SHISA6: variants seen among roughly 807,000 people sequenced by gnomAD.
SHISA6 encodes shisa family member 6, also known as protein shisa-6.
A neutral mutation model predicts 47.9 loss-of-function variants in SHISA6; 22 were observed. The ratio of observed to expected loss-of-function variants is 0.46; its 90% CI spans 0.33 to 0.66. The LOEUF is 0.66. SHISA6 is among the 30% of genes least tolerant of loss of function. The pLI, the probability that SHISA6 is intolerant of heterozygous loss-of-function variation, is 0.02. For missense variants in SHISA6, 680 were observed against 764.6 expected, an observed-to-expected ratio of 0.89 and a Z score of 1.30; for synonymous variants, 388 against 337.8, an observed-to-expected ratio of 1.15 and a Z score of -1.63.
At chr17:11,521,016 T>C (rs187412381) in intron 3 of SHISA6, among the ~76,000 whole-genome samples, 2 of 152,312 alleles carry the variant, frequency 1.3e-5, no homozygotes, top group Admixed American at 1.3e-4. Context: ...GGACGCGCAA[T>C]AAATACTTGC....
At chr17:11,327,428 C>T (rs551680807) in intron 2 of SHISA6, among the ~76,000 whole-genome samples, 6 of 152,282 alleles carry the variant, frequency 3.9e-5, no homozygotes, top group Middle Eastern at 3.4e-3. Context: ...AGCTTAGAGA[C>T]GCCTTAGGAC....
At chr17:11,446,236 C>G (rs1442863274) in intron 3 of SHISA6, among the ~76,000 whole-genome samples, 1 of 152,108 alleles carries the variant, frequency 6.6e-6, no homozygotes, top group East Asian at 1.9e-4. Flanking sequence ...GAGCGTAGGT[C>G]AAAGCAGTAT....
intron 3 of SHISA6, among the ~76,000 whole-genome samples, chr17:11,515,547 A>G (rs952585540): frequency 5.3e-5 from 8 of 152,142 alleles, no homozygotes; most frequent in Admixed American, 1.3e-4. Flanking sequence ...GGGGCAGGGT[A>G]GAAAGCTAAG....
At chr17:11,262,286 T>C (rs1317485237) in intron 1 of SHISA6, among the ~76,000 whole-genome samples, 3 of 152,184 alleles carry the variant, frequency 2.0e-5, no homozygotes, top group African/African-American at 7.2e-5. Flanking sequence ...AGGGAAGCCT[T>C]GGGGTGGGCA....
intron 2 of SHISA6, among the ~76,000 whole-genome samples, chr17:11,333,030 G>C (rs1444487555): frequency 1.3e-5 from 2 of 152,108 alleles, no homozygotes; most frequent in African/African-American, 4.8e-5. Flanking sequence ...GGCTGCCAGG[G>C]GGTGACCTGC....
At chr17:11,416,748 A>G (rs1309781620) in intron 3 of SHISA6, among the ~76,000 whole-genome samples, 3 of 152,206 alleles carry the variant, frequency 2.0e-5, no homozygotes, top group Admixed American at 6.5e-5. Flanking sequence ...ATTACTTCAG[A>G]CTTCTGGTCT....
chr17:11,430,077 G>A lies in SHISA6; in HGVS notation c.895+50568G>A, dbSNP rs572185803. 1.8e-3 allele frequency among the ~76,000 whole-genome samples: 270 copies of A among 152,292 alleles called. 2 individuals carry two copies. The highest frequency in any genetic ancestry group is 6.8e-3 in the Middle Eastern group (2 of 294). The stretch of plus-strand genomic sequence containing the variant: ...ATTATCTCCTCACTTTTGAGATGAG[G>A]AAACTGAGGATCACAGACTTCAATA... On this transcript the variant is annotated intron_variant, in intron 3 of 5. Coordinates refer to ENST00000441885, the MANE Select transcript of SHISA6 (RefSeq NM_207386.4).
intron 3 of SHISA6, among the ~76,000 whole-genome samples, chr17:11,439,892 A>G (rs567092060): frequency 6.6e-6 from 1 of 152,224 alleles, no homozygotes; most frequent in African/African-American, 2.4e-5. Flanking sequence ...CCCTTTATTA[A>G]GAAGAGAGGA....
intron 2 of SHISA6, among the ~76,000 whole-genome samples, chr17:11,316,460 G>A (rs1194538444): frequency 3.3e-5 from 4 of 120,846 alleles, no homozygotes; most frequent in Non-Finnish European, 4.8e-5. Context: ...TTGCTCTGTC[G>A]CCTAGGCTGG....
intron 3 of SHISA6, among the ~76,000 whole-genome samples, chr17:11,404,147 T>C (rs1913868371): frequency 6.6e-6 from 1 of 152,248 alleles, no homozygotes; most frequent in Admixed American, 6.5e-5. Flanking sequence ...TAAAAGCTCG[T>C]GATGCAGGCA....
At chr17:11,475,006 G>A (rs1300766579) in intron 3 of SHISA6, among the ~76,000 whole-genome samples, 1 of 152,000 alleles carries the variant, frequency 6.6e-6, no homozygotes, top group African/African-American at 2.4e-5. Flanking sequence ...ATTTATTTCT[G>A]TGATTTTTTT....
chr17:11,337,412 T>C (rs1911362797), intron 2 of SHISA6, among the ~76,000 whole-genome samples: 1 of 152,136 alleles, frequency 6.6e-6, no homozygotes, highest in African/African-American at 2.4e-5. Context: ...ACTTCGGGCT[T>C]GCACCTGCAC....
chr17:11,384,896 G>C (rs1913142961), intron 3 of SHISA6, among the ~76,000 whole-genome samples: 1 of 152,180 alleles, frequency 6.6e-6, no homozygotes, highest in Non-Finnish European at 1.5e-5. Context: ...TAAAAGAAAG[G>C]AGCTACAGTG....
intron 2 of SHISA6, among the ~76,000 whole-genome samples, chr17:11,276,692 A>G (rs1908907061): frequency 6.6e-6 from 1 of 151,884 alleles, no homozygotes; most frequent in African/African-American, 2.4e-5. Flanking sequence ...CACCACCACC[A>G]TCATCACCAT....
At chr17:11,353,196 C>T (rs1351383852) in intron 2 of SHISA6, among the ~76,000 whole-genome samples, 1 of 152,148 alleles carries the variant, frequency 6.6e-6, no homozygotes, top group Non-Finnish European at 1.5e-5. Flanking sequence ...CGGTGGCTTA[C>T]ACCTGTAATC....
intron 3 of SHISA6, among the ~76,000 whole-genome samples, chr17:11,516,311 T>C (rs2071585273): frequency 6.6e-6 from 1 of 152,048 alleles, no homozygotes; most frequent in Non-Finnish European, 1.5e-5. Context: ...TACCTCAGAG[T>C]CTAATTCCAC....
intron 3 of SHISA6, among the ~76,000 whole-genome samples, chr17:11,500,196 C>T (rs1415144182): frequency 6.6e-6 from 1 of 152,194 alleles, no homozygotes; most frequent in Non-Finnish European, 1.5e-5. Flanking sequence ...TGCTCTCCAT[C>T]CTCAGTCTCC....
At chr17:11,405,180 G>T (rs541790835) in intron 3 of SHISA6, among the ~76,000 whole-genome samples, 14 of 152,248 alleles carry the variant, frequency 9.2e-5, no homozygotes, top group African/African-American at 3.4e-4. Flanking sequence ...AGATAATCCT[G>T]ATACACAACT....
At chr17:11,304,597 T>C (rs1910039407) in intron 2 of SHISA6, among the ~76,000 whole-genome samples, 1 of 151,542 alleles carries the variant, frequency 6.6e-6, no homozygotes, top group South Asian at 2.1e-4. Flanking sequence ...TGGGCACAGG[T>C]TGGGGAGGCA....
Sources: allele counts gnomAD v4.1 joint callset (sites outside exome capture counted in the v4.1 genomes callset), GRCh38; gene constraint gnomAD v4.1.1; transcripts MANE v1.5; gene names NCBI Gene and HGNC (gene_info 2026-07-23, HGNC 2026-07-21).